LZTFL1: variants seen among roughly 807,000 people sequenced by gnomAD.
The protein encoded by LZTFL1 is leucine zipper transcription factor like 1.
A neutral mutation model predicts 45.9 loss-of-function variants in LZTFL1; 25 were observed. The observed-to-expected ratio is 0.54, with a 90% CI of 0.40 to 0.76. The LOEUF is 0.76. LZTFL1 is among the 30% of genes least tolerant of loss of function. LZTFL1 has a pLI of 0.00. For missense variants in LZTFL1, 277 were observed against 331.1 expected, an observed-to-expected ratio of 0.84 and a Z score of 1.27; for synonymous variants, 93 against 117.4, an observed-to-expected ratio of 0.79 and a Z score of 1.35.
In LZTFL1 at chr3:45,835,799, T is replaced by A. The variant is rs2125687027; in HGVS notation, c.129-15A>T. On this transcript the variant is annotated splice_polypyrimidine_tract_variant and intron_variant, in intron 2 of 9. Transcript: ENST00000296135. Reference sequence around the variant, plus strand: ...CCTCCACCAGCCTGAAAAACAACCATGATCCAAAACTTATAGAAAAACAAC... The same window carrying A: ...CCTCCACCAGCCTGAAAAACAACCAAGATCCAAAACTTATAGAAAAACAAC... 2 of 1,576,928 alleles carry A rather than the reference T, an allele frequency of 1.3e-6. No individual in the cohort carries two copies. Among genetic ancestry groups the A allele is most frequent in the Middle Eastern group, 1.7e-4 (1 of 5,956 alleles).
upstream of LZTFL1, among the ~76,000 whole-genome samples, chr3:45,844,601 C>T (rs1701189102): frequency 6.6e-6 from 1 of 152,144 alleles, no homozygotes; most frequent in Non-Finnish European, 1.5e-5. Flanking sequence ...AGGATCTTTG[C>T]AGCATGGCTT....
chr3:45,831,886 G>C (rs1700830927), intron 5 of LZTFL1, among the ~76,000 whole-genome samples: 1 of 152,096 alleles, frequency 6.6e-6, no homozygotes, highest in Non-Finnish European at 1.5e-5. Flanking sequence ...TAGCACACAG[G>C]AGAATATTCT....
intron 2 of LZTFL1, among the ~76,000 whole-genome samples, chr3:45,874,965 G>A (rs1031219249): frequency 2.0e-5 from 3 of 152,140 alleles, no homozygotes; most frequent in African/African-American, 4.8e-5. Context: ...CAAACACCTG[G>A]GCTAGCAGGC....
Position 45,824,461 on chromosome 3 carries a change from A to ATC in LZTFL1, c.*1851_*1852dup, listed in dbSNP as rs1265568565. ...ATCACGTTGATTTACGTCAAAGAAC[A>ATC]TCATATTTGTTTATCTTAATGCTTG... On this transcript the variant is annotated 3_prime_UTR_variant, in exon 10 of 10. Transcript: ENST00000296135. 1 of 185,316 alleles carries ATC rather than the reference A, an allele frequency of 5.4e-6. No individual in the cohort carries two copies. The highest frequency in any genetic ancestry group is 1.1e-5 in the Non-Finnish European group (1 of 90,550). The allele number at this position is 185,316 out of a possible 1,614,324, so 11.5% of individuals were successfully genotyped here.
chr3:45,873,106 T>C (rs1701695375), intron 2 of LZTFL1, among the ~76,000 whole-genome samples: 1 of 152,202 alleles, frequency 6.6e-6, no homozygotes, highest in South Asian at 2.1e-4. Flanking sequence ...AAGACAAACC[T>C]GTTCCTTGTT....
At chr3:45,835,861 C>T (rs1039145732) in intron 2 of LZTFL1, 77 bp from the exon 3 acceptor site, 1 of 1,007,816 alleles carries the variant, frequency 9.9e-7, no homozygotes, top group South Asian at 1.8e-5. Context: ...ATTAAGAAAC[C>T]CACATTCATG....
At chr3:45,841,331 T>A (rs1356211941) in intron 1 of LZTFL1, among the ~76,000 whole-genome samples, 1 of 152,268 alleles carries the variant, frequency 6.6e-6, no homozygotes, top group African/African-American at 2.4e-5. Context: ...TAAGTATGAC[T>A]GGTATTTAAG....
At chr3:45,906,570 T>G (rs1007523505) in intron 2 of LZTFL1, among the ~76,000 whole-genome samples, 2 of 152,146 alleles carry the variant, frequency 1.3e-5, no homozygotes, top group Admixed American at 6.5e-5. Flanking sequence ...GTCATGCAAA[T>G]GCTAAATGGT....
chr3:45,858,831 C>T (rs980476496), intron 3 of LZTFL1: 1 of 152,080 alleles, frequency 6.6e-6, no homozygotes, highest in African/African-American at 2.4e-5. Flanking sequence ...TTGACTTGAA[C>T]CTTGAGGATA....
intron 2 of LZTFL1, among the ~76,000 whole-genome samples, chr3:45,912,755 G>A (rs890392113): frequency 1.3e-5 from 2 of 152,164 alleles, no homozygotes; most frequent in Non-Finnish European, 2.9e-5. Flanking sequence ...AGCTGACCAC[G>A]GGCAGACAAG....
At chr3:45,915,538 G>C (rs1404606508) in exon 1 of LZTFL1, 3 of 456,362 alleles carry the variant, frequency 6.6e-6, no homozygotes, top group African/African-American at 6.0e-5. Flanking sequence ...TTTTTTCTGT[G>C]ATGATTCTAT....
At chr3:45,827,184 A>G in intron 9 of LZTFL1, 172 bp downstream of exon 9, 1 of 595,308 alleles carries the variant, frequency 1.7e-6, no homozygotes, top group Non-Finnish European at 3.0e-6. Context: ...CCTGGTGGGC[A>G]TTATAGATAA....
chr3:45,831,670 C>T (rs1303708117), intron 5 of LZTFL1, among the ~76,000 whole-genome samples: 3 of 152,194 alleles, frequency 2.0e-5, no homozygotes, highest in South Asian at 2.1e-4. Context: ...GAGGGCACTG[C>T]ACTCTGTTTC....
At chr3:45,866,229 G>T (rs139435020) in intron 2 of LZTFL1, among the ~76,000 whole-genome samples, 2 of 152,208 alleles carry the variant, frequency 1.3e-5, no homozygotes, top group East Asian at 1.9e-4. Flanking sequence ...TGATTGATCC[G>T]GTGTGTACTA....
Position 45,880,312 on chromosome 3 carries a change from G to GC in LZTFL1, c.-214-21297dup, listed in dbSNP as rs200157015. 3.1e-3 allele frequency among the ~76,000 whole-genome samples: 474 copies of GC among 152,234 alleles called. 2 individuals are homozygous for GC. The highest frequency in any genetic ancestry group is 0.01 in the African/African-American group (425 of 41,528). ...AGGTCAGGAGTTTGAAACCAGCCTG[G>GC]CCCACATGCTAAAACCCCATCTCTA... On this transcript the variant is annotated intron_variant, in intron 2 of 4. Coordinates refer to the LZTFL1 transcript ENST00000472635.
intron 2 of LZTFL1, chr3:45,897,613 T>A: frequency 1.3e-6 from 2 of 1,535,434 alleles, no homozygotes; most frequent in Non-Finnish European, 1.7e-6. Flanking sequence ...CAGGAATCCA[T>A]CTCCTTCCAG....
At chr3:45,906,476 TGCCAAGCCAGACTTTGTGCTGAGGACCA>T (rs555655908) in intron 2 of LZTFL1, among the ~76,000 whole-genome samples, 652 of 152,300 alleles carry the variant, frequency 4.3e-3, no homozygotes, top group Non-Finnish European at 6.9e-3. Flanking sequence ...GACCAGCATT[TGCCAAGCCAGACTTTGTGCTGAGGACCA>T]GGGACTGAAA....
chr3:45,883,470 C>T (rs1701901120), intron 2 of LZTFL1, among the ~76,000 whole-genome samples: 1 of 152,326 alleles, frequency 6.6e-6, no homozygotes, highest in African/African-American at 2.4e-5. Flanking sequence ...CTTCTCAAAC[C>T]TTTTCCTCAA....
At chr3:45,852,238 A>G (rs569884540) in intron 4 of LZTFL1, among the ~76,000 whole-genome samples, 3 of 152,366 alleles carry the variant, frequency 2.0e-5, no homozygotes, top group Admixed American at 1.3e-4. Context: ...ATAAGCTAGT[A>G]TGACATTTTT....
Sources: allele counts gnomAD v4.1 joint callset (sites outside exome capture counted in the v4.1 genomes callset), GRCh38; gene constraint gnomAD v4.1.1; transcripts MANE v1.5; gene names NCBI Gene and HGNC (gene_info 2026-07-23, HGNC 2026-07-21).